The following STK3 variants were observed in gnomAD, a reference collection of about 807,000 sequenced individuals.
STK3 encodes the protein serine/threonine-protein kinase 3.
A neutral mutation model predicts 58.0 loss-of-function variants in STK3; 41 were observed. The ratio of observed to expected loss-of-function variants is 0.71; its 90% CI spans 0.55 to 0.92. STK3 has a LOEUF of 0.92. Among genes scored for constraint, STK3 ranks in the 40% least tolerant of loss-of-function variants. The probability of loss-of-function intolerance (pLI) is 0.00; values close to 1 mark genes in which losing one functional copy is unlikely to be tolerated. For missense variants in STK3, 479 were observed against 602.7 expected (o/e 0.79, Z 2.15); for synonymous variants, 170 against 191.0 (o/e 0.89, Z 0.91).
At chr8:98,782,024 G>T in intron 1 of STK3, 1 of 195,516 alleles carries the variant, frequency 5.1e-6, no homozygotes, top group Non-Finnish European at 1.1e-5. Context: ...TGCTTTCGTT[G>T]CTGCAGCAGA....
intron 7 of STK3, among the ~76,000 whole-genome samples, chr8:98,590,428 A>T (rs1586951534): frequency 6.6e-6 from 1 of 152,142 alleles, no homozygotes; most frequent in East Asian, 1.9e-4. Context: ...AAGATCTGGG[A>T]AGGAGTCAGA....
intron 10 of STK3, among the ~76,000 whole-genome samples, chr8:98,498,960 GATTAA>G (rs1237086420): frequency 6.6e-6 from 1 of 152,142 alleles, no homozygotes; most frequent in African/African-American, 2.4e-5. Context: ...TTGCAAATGT[GATTAA>G]ATTAAGTCTC....
At chr8:98,900,644 A>G (rs1838621003) in intron 1 of STK3, among the ~76,000 whole-genome samples, 1 of 150,832 alleles carries the variant, frequency 6.6e-6, no homozygotes, top group South Asian at 2.1e-4. Context: ...AAAGATTGTT[A>G]TAGTTTTATA....
intron 6 of STK3, among the ~76,000 whole-genome samples, chr8:98,622,177 G>A (rs575223931): frequency 1.3e-5 from 2 of 151,402 alleles, no homozygotes; most frequent in African/African-American, 4.9e-5. Flanking sequence ...CGTGAGGCAG[G>A]AGAATCTCTT....
upstream of STK3, among the ~76,000 whole-genome samples, chr8:98,826,446 C>A (rs1835309463): frequency 6.6e-6 from 1 of 152,166 alleles, no homozygotes; most frequent in South Asian, 2.1e-4. Flanking sequence ...ACAGTGAGAT[C>A]TCTCGGTACA....
intron 4 of STK3, among the ~76,000 whole-genome samples, chr8:98,747,150 G>C (rs1407330248): frequency 7.1e-6 from 1 of 140,384 alleles, no homozygotes; most frequent in Non-Finnish European, 1.5e-5. Context: ...AATACTAACA[G>C]ATATTCTTCA....
intron 10 of STK3, among the ~76,000 whole-genome samples, chr8:98,491,193 G>GAGAC (rs1554601946): frequency 4.2e-5 from 6 of 141,856 alleles, no homozygotes; most frequent in African/African-American, 1.6e-4. Context: ...GAGAGAGAGA[G>GAGAC]AGAGAGACAG....
At chr8:98,796,132 G>GA (rs1317334055) in intron 1 of STK3, among the ~76,000 whole-genome samples, 2 of 151,934 alleles carry the variant, frequency 1.3e-5, no homozygotes, top group Non-Finnish European at 2.9e-5. Flanking sequence ...GACAAAACTA[G>GA]AAAAAAACTA....
At chr8:98,713,708 G>T (rs1279406856) in intron 4 of STK3, among the ~76,000 whole-genome samples, 1 of 152,116 alleles carries the variant, frequency 6.6e-6, no homozygotes. Flanking sequence ...ACAAGGAGGA[G>T]CTGGTATCAT....
intron 10 of STK3, among the ~76,000 whole-genome samples, chr8:98,516,475 ACCT>A (rs1464524503): frequency 2.0e-5 from 3 of 152,056 alleles, no homozygotes; most frequent in Non-Finnish European, 4.4e-5. Context: ...AGAAGAATAT[ACCT>A]CTAATTTTAT....
At chr8:98,683,148 G>T (rs1823756268) in intron 6 of STK3, among the ~76,000 whole-genome samples, 1 of 151,346 alleles carries the variant, frequency 6.6e-6, no homozygotes, top group Admixed American at 6.6e-5. Context: ...TCTCTAATAA[G>T]GAACAGGAAC....
intron 6 of STK3, among the ~76,000 whole-genome samples, chr8:98,687,530 G>A (rs192696287): frequency 1.9e-3 from 285 of 152,298 alleles, no homozygotes; most frequent in Middle Eastern, 0.01. Flanking sequence ...TGTGGCCCAG[G>A]AGTTGGGGGA....
At chr8:98,599,446 GT>G (rs1015206741) in intron 6 of STK3, among the ~76,000 whole-genome samples, 24 of 147,980 alleles carry the variant, frequency 1.6e-4, no homozygotes, top group Admixed American at 6.7e-4. Context: ...GTATCATTTT[GT>G]TTTTTTTTTC....
chr8:98,806,376 C>G (rs1210995709), intron 1 of STK3, among the ~76,000 whole-genome samples: 1 of 152,148 alleles, frequency 6.6e-6, no homozygotes, highest in Non-Finnish European at 1.5e-5. Context: ...TTTGCTACCA[C>G]AGCAATAAAA....
intron 3 of STK3, among the ~76,000 whole-genome samples, chr8:98,839,170 C>T (rs891821837): frequency 3.3e-5 from 5 of 152,008 alleles, no homozygotes; most frequent in South Asian, 4.1e-4. Context: ...CCTCAGCCTC[C>T]GGAGTAGCTG....
intron 8 of STK3, among the ~76,000 whole-genome samples, chr8:98,574,087 G>A (rs1813191016): frequency 6.6e-6 from 1 of 152,044 alleles, no homozygotes; most frequent in African/African-American, 2.4e-5. Context: ...AATTAAAGAT[G>A]AAATTTGGGT....
intron 1 of STK3, among the ~76,000 whole-genome samples, chr8:98,778,409 G>A (rs12171655): frequency 0.69 from 99,841 of 145,442 alleles, 34,714 homozygotes; most frequent in African/African-American, 0.84. Context: ...TGGAGAAATA[G>A]GAACACTTTT....
upstream of STK3, among the ~76,000 whole-genome samples, chr8:98,829,810 G>A (rs1308796484): frequency 6.6e-6 from 1 of 152,164 alleles, no homozygotes; most frequent in Admixed American, 6.5e-5. Flanking sequence ...AAAAATCCCT[G>A]CCTTCAGGGG....
At chr8:98,727,377 T>C (rs1291989637) in intron 4 of STK3, among the ~76,000 whole-genome samples, 2 of 152,108 alleles carry the variant, frequency 1.3e-5, no homozygotes, top group African/African-American at 4.8e-5. Flanking sequence ...TTCAAGTAAT[T>C]CCTCTCACCC....
Sources: gnomAD v4.1 joint callset for allele counts (sites outside exome capture counted in the v4.1 genomes callset) on GRCh38, gnomAD v4.1.1 for gene constraint, MANE v1.5 for transcripts, NCBI Gene and HGNC (gene_info 2026-07-23, HGNC 2026-07-21) for gene names.